The following LAMB4 variants were observed in gnomAD, a reference collection of about 807,000 sequenced individuals.
LAMB4 encodes the protein laminin subunit beta-4.
A neutral mutation model predicts 199.2 loss-of-function variants in LAMB4; 196 were observed. The ratio of observed to expected loss-of-function variants is 0.98; its 90% CI spans 0.88 to 1.11. LAMB4 has a LOEUF of 1.11. LAMB4 is among the 50% of genes least tolerant of loss of function. The pLI is 0.00. For synonymous variants in LAMB4, 744 were observed against 770.6 expected (o/e 0.97, Z 0.57); for missense variants, 2,080 against 2,171.2 (o/e 0.96, Z 0.83).
chr7:108,024,811 C>A (rs1367297445), intron 33 of LAMB4, among the ~76,000 whole-genome samples: 2 of 152,148 alleles, frequency 1.3e-5, no homozygotes, highest in Non-Finnish European at 2.9e-5. Flanking sequence ...CAACAAATAT[C>A]TGGAAATTCT....
chr7:108,093,789 C>T (rs1257590673), intron 12 of LAMB4, among the ~76,000 whole-genome samples: 1 of 152,124 alleles, frequency 6.6e-6, no homozygotes. Flanking sequence ...TGTTAAGCAT[C>T]CATATTTTTT....
At chr7:108,056,215 CT>C (rs1180546374) in intron 24 of LAMB4, among the ~76,000 whole-genome samples, 1 of 152,206 alleles carries the variant, frequency 6.6e-6, no homozygotes, top group Non-Finnish European at 1.5e-5. Flanking sequence ...AATCAGTTTA[CT>C]ATTTCAATTT....
chr7:108,065,663 A>T, intron 21 of LAMB4, 99 bp downstream of exon 21: 1 of 927,682 alleles, frequency 1.1e-6, no homozygotes, highest in Non-Finnish European at 1.6e-6. Flanking sequence ...TCTGCACCAC[A>T]CATTTGTCCA....
intron 11 of LAMB4, among the ~76,000 whole-genome samples, chr7:108,097,409 T>G (rs1040371828): frequency 3.9e-5 from 6 of 152,236 alleles, no homozygotes; most frequent in Non-Finnish European, 7.3e-5. Context: ...TTCCCTGAGC[T>G]CTTTAATTAT....
intron 14 of LAMB4, among the ~76,000 whole-genome samples, chr7:108,082,329 TA>T (rs34929844): frequency 0.39 from 40,574 of 104,620 alleles, 6,614 homozygotes; most frequent in East Asian, 0.56. Context: ...GACTCCGTCT[TA>T]AAAAAAAAAA....
chr7:108,095,389 C>G (rs1422626036), intron 11 of LAMB4, 52 bp from the exon 12 acceptor site: 1 of 1,317,948 alleles, frequency 7.6e-7, no homozygotes, highest in Non-Finnish European at 1.1e-6. Context: ...TCCACTCTTG[C>G]AAGTGTACTT....
intron 4 of LAMB4, among the ~76,000 whole-genome samples, chr7:108,110,493 G>A (rs1039630199): frequency 6.6e-6 from 1 of 152,170 alleles, no homozygotes; most frequent in Non-Finnish European, 1.5e-5. Context: ...ACAGTGAATC[G>A]GGGTTCAGCC....
At position 108,049,355 on chromosome 7, in the gene LAMB4, T is replaced by C. The variant is rs1168076006; in HGVS notation, c.4093A>G (p.Ile1365Val). The change falls in exon 27 of 34, where the codon ATA (isoleucine) becomes GTA (valine). Residue 1365 changes from isoleucine to valine, a missense_variant. By Grantham distance (29) the Ile-to-Val change is conservative (BLOSUM62 3). Transcript: ENST00000388781. ...LSLERLKQIK[I>V]PDIQILNEKV... ...TCATTCAATATTTGGATATCTGGTATCTTAATCTGCTTTAATCTTTCCAAT... is the reference window on the plus strand; with the variant it reads ...TCATTCAATATTTGGATATCTGGTACCTTAATCTGCTTTAATCTTTCCAAT... 6.3e-7 allele frequency: 1 copy of C among 1,579,954 alleles called. No homozygotes were observed. The highest frequency in any genetic ancestry group is 1.7e-5 in the Admixed American group (1 of 59,640).
chr7:108,107,369 C>A (rs1323845120), intron 6 of LAMB4, among the ~76,000 whole-genome samples: 1 of 152,192 alleles, frequency 6.6e-6, no homozygotes, highest in East Asian at 1.9e-4. Flanking sequence ...GGTGTTCCTT[C>A]TTCTGGGTGC....
In LAMB4 at chr7:108,030,950, A is replaced by T. The variant is rs142630272; in HGVS notation, c.4848T>A (p.Ser1616Arg). 1 of 1,612,690 alleles carries T rather than the reference A, an allele frequency of 6.2e-7. No individual in the cohort carries two copies. Among genetic ancestry groups the T allele is most frequent in the Admixed American group, 1.7e-5 (1 of 59,880 alleles). Residue 1616 changes from serine (S) to arginine (R), a missense_variant, in exon 32 of 34, where the codon AGT becomes AGA. Transcript: ENST00000388781. ...QAENQTREMK[S>R]ELELAKQRSG... ...ATCGCTGCTTTGCTAACTCCAGCTC[A>T]CTCTTCATTTCCCTGGTTTGATTTT...
chr7:108,067,976 CTG>C (rs1218681380), intron 19 of LAMB4, 38 bp downstream of exon 19: 1 of 1,613,380 alleles, frequency 6.2e-7, no homozygotes, highest in Non-Finnish European at 8.5e-7. Flanking sequence ...AATGTCAAGA[CTG>C]TGAGCAAGTG....
chr7:108,126,554 C>CTT (rs71137605), intron 1 of LAMB4, among the ~76,000 whole-genome samples: 4 of 83,530 alleles, frequency 4.8e-5, no homozygotes, highest in Non-Finnish European at 8.1e-5. Context: ...GAATTTCTTT[C>CTT]TTTTTTTTTT....
At position 108,105,835 on chromosome 7, in the gene LAMB4, A is replaced by G; in HGVS notation, c.852T>C (p.Val284=). The change falls in exon 8 of 34, where the codon GTT becomes GTC. Residue 284 remains valine (V), a synonymous_variant. Coordinates refer to ENST00000388781, the MANE Select transcript of LAMB4 (RefSeq NM_007356.3). ...CRPMQKMRGD[V]FSPPGMVHGQ... Reference sequence around the variant, plus strand: ...AACTCACCATTCCAGGAGGGCTGAAAACATCTCCCCGCATCTTCTGCATAG... The same window carrying G: ...AACTCACCATTCCAGGAGGGCTGAAGACATCTCCCCGCATCTTCTGCATAG... The G allele has an allele frequency of 1.2e-6, 2 of 1,614,204 alleles. No individual in the cohort carries two copies. Among genetic ancestry groups the G allele is most frequent in the Middle Eastern group, 1.6e-4 (1 of 6,062 alleles).
chr7:108,050,184 C>G (rs972062749), intron 26 of LAMB4, among the ~76,000 whole-genome samples: 3 of 152,174 alleles, frequency 2.0e-5, no homozygotes, highest in Non-Finnish European at 4.4e-5. Flanking sequence ...AGGATTCACC[C>G]TGATGCTGCG....
intron 11 of LAMB4, 123 bp downstream of exon 11, chr7:108,098,280 C>A: frequency 2.2e-6 from 1 of 464,230 alleles, no homozygotes; most frequent in African/African-American, 2.7e-5. Flanking sequence ...TTGGAGTGAG[C>A]CGAGATTTTG....
At chr7:108,085,241 G>T (rs1396858380) in intron 14 of LAMB4, among the ~76,000 whole-genome samples, 2 of 152,172 alleles carry the variant, frequency 1.3e-5, no homozygotes, top group Admixed American at 6.5e-5. Flanking sequence ...TTAGTTTTGT[G>T]CAGTGTTCTC....
At chr7:108,124,037 C>T (rs1229855470) in intron 1 of LAMB4, among the ~76,000 whole-genome samples, 1 of 151,134 alleles carries the variant, frequency 6.6e-6, no homozygotes. Context: ...TTTTTTAAGA[C>T]AGTGTCTCAC....
Position 108,043,828 on chromosome 7 carries a change from T to G in LAMB4, c.4395A>C (p.Gly1465=). The G allele has an allele frequency of 6.2e-7, 1 of 1,609,580 alleles. No individual in the cohort carries two copies. The highest frequency in any genetic ancestry group is 8.5e-7 in the Non-Finnish European group (1 of 1,177,580). The change falls in exon 29 of 34, where the codon GGA becomes GGC. Residue 1465 remains glycine, a synonymous_variant. Coordinates refer to ENST00000388781, the MANE Select transcript of LAMB4 (RefSeq NM_007356.3). ...NNALQLREKL[G]NIRNQSDSEE... ...CAGAGTCACTTTGGTTTCTTATATT[T>G]CCCAGTTTTTCCCTCAGCTGTAAGG...
chr7:108,031,200 T>C (rs2035018453), intron 31 of LAMB4, among the ~76,000 whole-genome samples: 1 of 150,920 alleles, frequency 6.6e-6, no homozygotes, highest in African/African-American at 2.4e-5. Context: ...GGTGCATGCC[T>C]GTAGTCCCAG....
Sources: allele counts gnomAD v4.1 joint callset (sites outside exome capture counted in the v4.1 genomes callset), GRCh38; gene constraint gnomAD v4.1.1; transcripts MANE v1.5; gene names NCBI Gene and HGNC (gene_info 2026-07-23, HGNC 2026-07-21).